The following EDIL3 variants were observed in gnomAD, a reference collection of about 807,000 sequenced individuals.
EDIL3 encodes the protein EGF-like repeat and discoidin I-like domain-containing protein 3.
EDIL3 carries 37 observed loss-of-function variants against 67.4 expected under a neutral mutation model. The observed-to-expected ratio is 0.55, with a 90% CI of 0.42 to 0.72. The LOEUF (loss-of-function observed/expected upper bound fraction) is 0.72, where lower values mean the gene tolerates loss of function less well. Ranked by LOEUF, EDIL3 falls within the 30% of genes least tolerant of loss-of-function variation. The probability of loss-of-function intolerance (pLI) is 0.00; values close to 1 mark genes in which losing one functional copy is unlikely to be tolerated. For synonymous variants in EDIL3, 195 were observed against 196.3 expected (o/e 0.99, Z 0.05); for missense variants, 527 against 586.3 (o/e 0.90, Z 1.04).
chr5:84,289,413 G>A (rs894083396), intron 1 of EDIL3, among the ~76,000 whole-genome samples: 7 of 152,126 alleles, frequency 4.6e-5, no homozygotes. Flanking sequence ...CCTCCATGAG[G>A]AGAGATTTTA....
chr5:84,118,696 C>A (rs1011717694), intron 5 of EDIL3, among the ~76,000 whole-genome samples: 8 of 152,122 alleles, frequency 5.3e-5, no homozygotes, highest in Non-Finnish European at 8.8e-5. Flanking sequence ...GGAATTTCTA[C>A]CCCACTACTT....
chr5:84,180,422 C>T lies in EDIL3; in HGVS notation c.326G>A (p.Arg109Gln), dbSNP rs1174740683. 8.7e-6 allele frequency: 14 copies of T among 1,604,074 alleles called. No homozygotes were observed. The highest frequency in any genetic ancestry group is 1.7e-4 in the Middle Eastern group (1 of 6,030). ...CTGACAGTGAATCCCATTAAATCCT[C>T]GGGGACATTTACAAACATAGCCTAT... ...TFIGYVCKCP[R>Q]GFNGIHCQHN... Residue 109 changes from arginine (R) to glutamine (Q), a missense_variant, in exon 4 of 11, where the codon CGA becomes CAA. This residue lies in a region of EDIL3 where 494 missense variants were observed against 522.5 expected (regional missense o/e 0.95). Transcript: ENST00000296591.
intron 9 of EDIL3, among the ~76,000 whole-genome samples, chr5:83,973,827 G>T (rs572142434): frequency 6.6e-6 from 1 of 152,018 alleles, no homozygotes; most frequent in Admixed American, 6.6e-5. Flanking sequence ...AGTAATTGTG[G>T]TTTTGACCAT....
chr5:84,014,660 A>C (rs1745569930), intron 9 of EDIL3, among the ~76,000 whole-genome samples: 1 of 152,226 alleles, frequency 6.6e-6, no homozygotes, highest in Non-Finnish European at 1.5e-5. Flanking sequence ...ACAAACAAAC[A>C]AACAAACAAA....
chr5:84,254,978 C>T (rs1274114351), intron 1 of EDIL3, among the ~76,000 whole-genome samples: 3 of 152,142 alleles, frequency 2.0e-5, no homozygotes, highest in Non-Finnish European at 4.4e-5. Flanking sequence ...AAGCTGTCAT[C>T]TGAGGTAACT....
chr5:84,097,667 T>C (rs1192550807), intron 6 of EDIL3, among the ~76,000 whole-genome samples: 6 of 152,112 alleles, frequency 3.9e-5, no homozygotes, highest in African/African-American at 9.7e-5. Context: ...TGAGTAAATG[T>C]TTGTGGAATA....
rs4612038 is a variant in EDIL3 at position 83,946,323 on chromosome 5, G to C, written c.1294-2755C>G. Among the ~76,000 whole-genome samples the C allele has an allele frequency of 3.2e-3, 486 of 151,890 alleles. 3 individuals carry two copies. The highest frequency in any genetic ancestry group is 0.011 in the African/African-American group (470 of 41,474). On this transcript the variant is annotated intron_variant, in intron 10 of 10. Transcript: ENST00000296591. ...CTAATTGGCTGATCACAAATTTGCT[G>C]ATATATTCAAACATGATATTGCTTA...
At chr5:84,100,948 T>A (rs1294481184) in intron 6 of EDIL3, among the ~76,000 whole-genome samples, 1 of 151,998 alleles carries the variant, frequency 6.6e-6, no homozygotes, top group African/African-American at 2.4e-5. Flanking sequence ...CCTTTTTCTT[T>A]CGCCAAAAAA....
At chr5:84,024,222 G>A (rs1218795019) in intron 9 of EDIL3, among the ~76,000 whole-genome samples, 1 of 151,994 alleles carries the variant, frequency 6.6e-6, no homozygotes, top group Non-Finnish European at 1.5e-5. Context: ...TTTATTTTCT[G>A]GAAAATATTC....
At position 84,229,004 on chromosome 5, in the gene EDIL3, G is replaced by A. The variant is rs79859952; in HGVS notation, c.226+851C>T. On this transcript the variant is annotated intron_variant, in intron 3 of 10. Transcript: ENST00000296591. Reference sequence around the variant, plus strand: ...TACTAAAAAGAATCCATCTAATGCCGAGGTCTTTTCTCTTCAGACCAACCA... The same window carrying A: ...TACTAAAAAGAATCCATCTAATGCCAAGGTCTTTTCTCTTCAGACCAACCA... Among the ~76,000 whole-genome samples, 308 of 152,196 alleles carry A rather than the reference G, an allele frequency of 2.0e-3. 1 individual carries two copies. Among genetic ancestry groups the A allele is most frequent in the Middle Eastern group, 6.8e-3 (2 of 292 alleles).
chr5:84,233,281 C>T (rs1389575384), intron 2 of EDIL3, among the ~76,000 whole-genome samples: 1 of 152,110 alleles, frequency 6.6e-6, no homozygotes, highest in East Asian at 1.9e-4. Context: ...TGCCCCACAC[C>T]TACTGAATTT....
At chr5:83,986,559 A>G (rs1333358739) in intron 9 of EDIL3, among the ~76,000 whole-genome samples, 1 of 152,102 alleles carries the variant, frequency 6.6e-6, no homozygotes, top group Non-Finnish European at 1.5e-5. Context: ...CCAAGCATCA[A>G]TCCAATATTT....
chr5:84,137,214 C>CAT, intron 5 of EDIL3, 27 bp downstream of exon 5: 1 of 1,509,482 alleles, frequency 6.6e-7, no homozygotes, highest in Non-Finnish European at 9.1e-7. Context: ...CACACACACA[C>CAT]ACACATACAC....
chr5:84,227,983 C>T lies in EDIL3; in HGVS notation c.226+1872G>A, dbSNP rs567085688. 2.6e-4 allele frequency among the ~76,000 whole-genome samples: 39 copies of T among 152,170 alleles called. 1 individual carries two copies. In the South Asian group the frequency reaches 7.7e-3, roughly 30 times the overall value. On this transcript the variant is annotated intron_variant, in intron 3 of 10. Coordinates refer to ENST00000296591, the MANE Select transcript of EDIL3 (RefSeq NM_005711.5). ...TACCTATTGGATACTATCCTCCCTACCTGGATGCAATATACCCATGTAACC... is the reference window on the plus strand; with the variant it reads ...TACCTATTGGATACTATCCTCCCTATCTGGATGCAATATACCCATGTAACC...
At chr5:84,073,387 G>C (rs148858673) in intron 6 of EDIL3, among the ~76,000 whole-genome samples, 10,100 of 152,194 alleles carry the variant, frequency 0.066, 469 homozygotes, top group Middle Eastern at 0.11. Flanking sequence ...TATTCAATTA[G>C]GAAAAGAGGA....
intron 9 of EDIL3, among the ~76,000 whole-genome samples, chr5:83,994,659 A>G (rs949934924): frequency 1.3e-5 from 2 of 152,168 alleles, no homozygotes; most frequent in Non-Finnish European, 2.9e-5. Context: ...CTGTTTACCA[A>G]CACCACATTG....
intron 1 of EDIL3, among the ~76,000 whole-genome samples, chr5:84,313,145 G>C (rs897749158): frequency 6.6e-6 from 1 of 152,084 alleles, no homozygotes; most frequent in African/African-American, 2.4e-5. Context: ...CAAATTTCTT[G>C]TCACCATACA....
chr5:84,360,142 C>A (rs539221143), intron 1 of EDIL3, among the ~76,000 whole-genome samples: 2 of 152,142 alleles, frequency 1.3e-5, no homozygotes, highest in South Asian at 4.1e-4. Context: ...AGCTCAAAAC[C>A]AGTGGATCAG....
chr5:84,180,295 C>A, intron 4 of EDIL3, 98 bp downstream of exon 4: 2 of 1,360,488 alleles, frequency 1.5e-6, no homozygotes. Flanking sequence ...CTCTCTTCTG[C>A]TCTCAGATTC....
Sources: gnomAD v4.1 joint callset for allele counts (sites outside exome capture counted in the v4.1 genomes callset) on GRCh38, gnomAD v4.1.1 for gene constraint, gnomAD v4.1.1 regional missense constraint, MANE v1.5 for transcripts, NCBI Gene and HGNC (gene_info 2026-07-23, HGNC 2026-07-21) for gene names.